MGAT4C: variants seen among roughly 807,000 people sequenced by gnomAD.
MGAT4C encodes the protein alpha-1,3-mannosyl-glycoprotein 4-beta-N-acetylglucosaminyltransferase C.
MGAT4C carries 19 observed loss-of-function variants against 40.1 expected under a neutral mutation model. The ratio of observed to expected loss-of-function variants is 0.47; its 90% CI spans 0.33 to 0.70. MGAT4C has a LOEUF of 0.70. MGAT4C is among the 30% of genes least tolerant of loss of function. The pLI is 0.02. For missense variants in MGAT4C, 491 were observed against 563.2 expected (o/e 0.87, Z 1.30); for synonymous variants, 181 against 187.1 (o/e 0.97, Z 0.27).
intron 2 of MGAT4C, among the ~76,000 whole-genome samples, chr12:86,623,630 G>A (rs183359379): frequency 6.6e-6 from 1 of 152,078 alleles, no homozygotes; most frequent in Non-Finnish European, 1.5e-5. Flanking sequence ...AAATACATAT[G>A]GACATAAATG....
intron 2 of MGAT4C, among the ~76,000 whole-genome samples, chr12:86,456,574 C>T (rs998688025): frequency 2.0e-5 from 3 of 151,980 alleles, no homozygotes; most frequent in Admixed American, 1.3e-4. Flanking sequence ...AGAGTTTTTT[C>T]ATTATAGAAT....
chr12:86,254,369 G>T (rs1159670856), intron 1 of MGAT4C, among the ~76,000 whole-genome samples: 1 of 151,966 alleles, frequency 6.6e-6, no homozygotes, highest in Admixed American at 6.6e-5. Flanking sequence ...GTGCATTTGT[G>T]ACTAGCAAGG....
chr12:86,303,009 C>T (rs1953852583), intron 4 of MGAT4C, among the ~76,000 whole-genome samples: 2 of 150,674 alleles, frequency 1.3e-5, no homozygotes, highest in South Asian at 4.1e-4. Flanking sequence ...GGTTCTTCCA[C>T]CAGCTCAGAA....
At chr12:86,135,760 T>C (rs1240262493) in intron 1 of MGAT4C, among the ~76,000 whole-genome samples, 1 of 152,204 alleles carries the variant, frequency 6.6e-6, no homozygotes, top group Non-Finnish European at 1.5e-5. Flanking sequence ...AGCAGCATCT[T>C]AATGTTGTAT....
intron 1 of MGAT4C, among the ~76,000 whole-genome samples, chr12:86,828,377 T>C (rs929407147): frequency 6.6e-6 from 1 of 151,466 alleles, no homozygotes; most frequent in Non-Finnish European, 1.5e-5. Context: ...TCTAATCTTA[T>C]CAGGCTAGAG....
At chr12:86,762,834 G>C (rs1190256288) in intron 1 of MGAT4C, among the ~76,000 whole-genome samples, 1 of 152,096 alleles carries the variant, frequency 6.6e-6, no homozygotes, top group Admixed American at 6.5e-5. Context: ...ACAAATAAAA[G>C]AGCCATATTG....
intron 2 of MGAT4C, among the ~76,000 whole-genome samples, chr12:86,502,886 CTGCTCATATATATATAT>C (rs1958382774): frequency 3.9e-5 from 2 of 51,938 alleles, no homozygotes; most frequent in African/African-American, 9.3e-5. Context: ...TATATGAGTT[CTGCTCATATATATATAT>C]ATATGAGTTC....
chr12:86,692,525 TC>T (rs1950189114), intron 2 of MGAT4C, among the ~76,000 whole-genome samples: 1 of 152,146 alleles, frequency 6.6e-6, no homozygotes, highest in Non-Finnish European at 1.5e-5. Flanking sequence ...TGTTTAAAAT[TC>T]AACACAATGC....
At chr12:86,203,975 A>AATATATATATATATATATATAT (rs56952745) in intron 1 of MGAT4C, among the ~76,000 whole-genome samples, 64 of 137,068 alleles carry the variant, frequency 4.7e-4, no homozygotes, top group Admixed American at 9.1e-4. Context: ...AAAAAAAAGA[A>AATATATATATATATATATATAT]ATATATATAT....
chr12:86,674,137 T>C (rs138732031), intron 2 of MGAT4C, among the ~76,000 whole-genome samples: 20 of 152,286 alleles, frequency 1.3e-4, no homozygotes, highest in African/African-American at 4.8e-4. Flanking sequence ...AGAGAGATTA[T>C]GTATAAAATG....
chr12:86,645,194 A>T (rs1963506575), intron 2 of MGAT4C, among the ~76,000 whole-genome samples: 1 of 151,674 alleles, frequency 6.6e-6, no homozygotes, highest in African/African-American at 2.4e-5. Context: ...ATAAATACCA[A>T]GAAAAAGTTC....
chr12:86,760,214 C>T (rs772836025), intron 1 of MGAT4C, among the ~76,000 whole-genome samples: 11 of 152,072 alleles, frequency 7.2e-5, no homozygotes, highest in Non-Finnish European at 1.3e-4. Flanking sequence ...ACTGTATATA[C>T]ACAGCAGAAG....
At chr12:86,378,686 G>A (rs1955876001) in intron 3 of MGAT4C, among the ~76,000 whole-genome samples, 1 of 152,138 alleles carries the variant, frequency 6.6e-6, no homozygotes, top group Admixed American at 6.5e-5. Flanking sequence ...TTTATTTACA[G>A]GGTTTTCCCT....
chr12:86,110,853 G>A (rs550726515), intron 1 of MGAT4C, among the ~76,000 whole-genome samples: 114 of 151,732 alleles, frequency 7.5e-4, no homozygotes, highest in African/African-American at 2.6e-3. Context: ...TGATAACTAT[G>A]AAAATGTATA....
At chr12:86,404,790 A>C (rs2136239235) in intron 3 of MGAT4C, among the ~76,000 whole-genome samples, 1 of 152,304 alleles carries the variant, frequency 6.6e-6, no homozygotes, top group East Asian at 1.9e-4. Flanking sequence ...AAGATGATTG[A>C]TCATCTATGA....
chr12:86,597,534 T>C (rs1373119347), intron 2 of MGAT4C, among the ~76,000 whole-genome samples: 1 of 152,226 alleles, frequency 6.6e-6, no homozygotes, highest in Non-Finnish European at 1.5e-5. Flanking sequence ...TAAAAGATTA[T>C]AGTTCTCTTT....
intron 2 of MGAT4C, among the ~76,000 whole-genome samples, chr12:86,685,629 C>T (rs1239531210): frequency 6.6e-6 from 1 of 152,086 alleles, no homozygotes; most frequent in Non-Finnish European, 1.5e-5. Flanking sequence ...GGCAGCATGG[C>T]CATTTTCACA....
chr12:86,644,444 T>G (rs760323767), intron 2 of MGAT4C, among the ~76,000 whole-genome samples: 6 of 151,738 alleles, frequency 4.0e-5, no homozygotes, highest in Non-Finnish European at 8.8e-5. Context: ...TAATAACAAG[T>G]GTTGGCAACA....
chr12:86,483,409 T>G (rs1957968104), intron 2 of MGAT4C, among the ~76,000 whole-genome samples: 1 of 152,074 alleles, frequency 6.6e-6, no homozygotes, highest in Admixed American at 6.6e-5. Flanking sequence ...CCCCCCAAAA[T>G]TCTTAGTTTG....
Sources: allele counts gnomAD v4.1 joint callset (sites outside exome capture counted in the v4.1 genomes callset), GRCh38; gene constraint gnomAD v4.1.1; transcripts MANE v1.5; gene names NCBI Gene and HGNC (gene_info 2026-07-23, HGNC 2026-07-21).